Variants in FGD6 observed in about 807,000 individuals in gnomAD.
FGD6 encodes FYVE, RhoGEF and PH domain containing 6.
A neutral mutation model predicts 149.4 loss-of-function variants in FGD6; 90 were observed. That is an observed-to-expected ratio of 0.60 (90% CI 0.51 to 0.72). The LOEUF (loss-of-function observed/expected upper bound fraction) is 0.72, where lower values mean the gene tolerates loss of function less well. Among genes scored for constraint, FGD6 ranks in the 30% least tolerant of loss-of-function variants. The probability of loss-of-function intolerance (pLI) is 0.00; values close to 1 mark genes in which losing one functional copy is unlikely to be tolerated. For missense variants in FGD6, 1,437 were observed against 1,684.8 expected, an observed-to-expected ratio of 0.85 and a Z score of 2.57; for synonymous variants, 527 against 584.0, an observed-to-expected ratio of 0.90 and a Z score of 1.41.
chr12:95,217,424 G>T lies in FGD6; in HGVS notation c.-184C>A. On this transcript the variant is annotated 5_prime_UTR_variant, in exon 1 of 21. Coordinates refer to ENST00000343958, the MANE Select transcript of FGD6 (RefSeq NM_018351.4). ...CGGCCGACTCTAGCGACCCTGCGGC[G>T]CTCCCGGGCGCGAGCCGCCGGGGTC... The T allele has an allele frequency of 1.0e-6, 1 of 984,286 alleles. No homozygotes were observed. The allele number at this position is 984,286 out of a possible 1,614,324, so 61.0% of individuals were successfully genotyped here. A position where few individuals can be genotyped will look rare whatever the true frequency, so the allele number is the denominator to read the frequency against.
intron 8 of FGD6, among the ~76,000 whole-genome samples, chr12:95,128,678 G>A (rs1001821858): frequency 6.6e-6 from 1 of 152,198 alleles, no homozygotes; most frequent in Non-Finnish European, 1.5e-5. Flanking sequence ...GGCTCAGTGG[G>A]GGCCTAAGTG....
At chr12:95,091,665 G>T in intron 17 of FGD6, 42 bp downstream of exon 17, 2 of 1,437,954 alleles carry the variant, frequency 1.4e-6, no homozygotes, top group Non-Finnish European at 1.9e-6. Flanking sequence ...AAGCATCTGG[G>T]GAATAAAGGA....
intron 5 of FGD6, among the ~76,000 whole-genome samples, chr12:95,145,537 G>A (rs1879986089): frequency 6.6e-6 from 1 of 152,070 alleles, no homozygotes; most frequent in Non-Finnish European, 1.5e-5. Context: ...TGCTCCTGAA[G>A]TTTCTTGTTA....
intron 2 of FGD6, among the ~76,000 whole-genome samples, chr12:95,204,816 C>A (rs958784542): frequency 1.3e-5 from 2 of 152,128 alleles, no homozygotes; most frequent in Admixed American, 6.5e-5. Context: ...ATATAACCTG[C>A]GGACTAAACT....
intron 20 of FGD6, among the ~76,000 whole-genome samples, chr12:95,084,020 C>T (rs909535379): frequency 1.3e-5 from 2 of 152,242 alleles, no homozygotes; most frequent in Non-Finnish European, 2.9e-5. Context: ...TCTACTCAGT[C>T]ACTGGAACAG....
intron 14 of FGD6, among the ~76,000 whole-genome samples, chr12:95,095,364 G>A (rs1288751467): frequency 6.9e-6 from 1 of 144,684 alleles, no homozygotes; most frequent in East Asian, 2.0e-4. Flanking sequence ...AACTTGGTCA[G>A]ACAAGGGTAT....
chr12:95,094,465 A>T, intron 15 of FGD6, 127 bp downstream of exon 15: 1 of 634,856 alleles, frequency 1.6e-6, no homozygotes, highest in Non-Finnish European at 2.7e-6. Flanking sequence ...TAATCTGTAG[A>T]GTAACTCTCT....
At chr12:95,160,864 CA>C (rs1880618303) in intron 3 of FGD6, among the ~76,000 whole-genome samples, 1 of 149,916 alleles carries the variant, frequency 6.7e-6, no homozygotes, top group South Asian at 2.1e-4. Flanking sequence ...AACTCTGTCT[CA>C]AAAAAACAAA....
chr12:95,168,637 T>C (rs955482373), intron 3 of FGD6, among the ~76,000 whole-genome samples: 4 of 151,762 alleles, frequency 2.6e-5, no homozygotes, highest in Admixed American at 2.6e-4. Flanking sequence ...CACTCCAGCC[T>C]GGGAGACAAG....
intron 14 of FGD6, chr12:95,100,560 TGGC>T: frequency 3.2e-6 from 1 of 311,276 alleles, no homozygotes; most frequent in South Asian, 2.1e-5. Context: ...ATCGCACTGT[TGGC>T]TGTATCTGTT....
At position 95,209,067 on chromosome 12, in the gene FGD6, A is replaced by T. The variant is rs772465438; in HGVS notation, c.2217T>A (p.Ser739=). ...ACTCCGGTGCACAGAGGCTTGTAACAGACTTGTAAGGTGCCTGAGATGATG... is the reference window on the plus strand; with the variant it reads ...ACTCCGGTGCACAGAGGCTTGTAACTGACTTGTAAGGTGCCTGAGATGATG... ...RESSSQAPYK[S]VTSLCAPEYE... Residue 739 remains serine (S), a synonymous_variant, in exon 2 of 21, where the codon TCT becomes TCA. Coordinates refer to ENST00000343958, the MANE Select transcript of FGD6 (RefSeq NM_018351.4). 1 of 1,614,150 alleles carries T rather than the reference A, an allele frequency of 6.2e-7. No individual in the cohort carries two copies. The highest frequency in any genetic ancestry group is 1.3e-5 in the African/African-American group (1 of 75,034).
At position 95,204,946 on chromosome 12, in the gene FGD6, T is replaced by G. The variant is rs373048579; in HGVS notation, c.2441+3897A>C. On this transcript the variant is annotated intron_variant, in intron 2 of 20. Coordinates refer to ENST00000343958, the MANE Select transcript of FGD6 (RefSeq NM_018351.4). Reference sequence around the variant, plus strand: ...TTGGGGACTGCCTACAACTACTTTCTGATAAATTGTAAACATGTTGTTATA... The same window carrying G: ...TTGGGGACTGCCTACAACTACTTTCGGATAAATTGTAAACATGTTGTTATA... Among the ~76,000 whole-genome samples the G allele has an allele frequency of 1.3e-4, 20 of 152,358 alleles. No individual in the cohort carries two copies. The East Asian group carries it at 1.3e-3, about 10-fold the overall frequency.
intron 3 of FGD6, among the ~76,000 whole-genome samples, chr12:95,155,948 T>TC (rs1880454419): frequency 6.6e-6 from 1 of 152,218 alleles, no homozygotes; most frequent in East Asian, 1.9e-4. Context: ...TGAACATAAA[T>TC]TGTGAAGATT....
intron 2 of FGD6, among the ~76,000 whole-genome samples, chr12:95,208,430 G>A (rs1592878318): frequency 1.3e-5 from 2 of 151,922 alleles, no homozygotes; most frequent in African/African-American, 4.8e-5. Context: ...CCTGATAAGC[G>A]CACCACACGT....
At position 95,134,729 on chromosome 12, in the gene FGD6, A is replaced by G; in HGVS notation, c.3082+10T>C. On this transcript the variant is annotated intron_variant, in intron 8 of 20. Transcript: ENST00000343958. The stretch of plus-strand genomic sequence containing the variant: ...AACTGGGTGGTTGGCAAAATGCTGG[A>G]GAAGCCCACCTGTCAGCAACAGCCT... 6.2e-7 allele frequency: 1 copy of G among 1,612,806 alleles called. No homozygotes were observed. Among genetic ancestry groups the G allele is most frequent in the Non-Finnish European group, 8.5e-7 (1 of 1,179,552 alleles).
intron 20 of FGD6, 26 bp downstream of exon 20, chr12:95,084,472 A>G: frequency 6.7e-7 from 1 of 1,495,576 alleles, no homozygotes; most frequent in Non-Finnish European, 8.9e-7. Context: ...TCATGAATAA[A>G]AGAAAAATAT....
chr12:95,159,584 A>G (rs1231134581), intron 3 of FGD6, among the ~76,000 whole-genome samples: 2 of 152,184 alleles, frequency 1.3e-5, no homozygotes, highest in Non-Finnish European at 2.9e-5. Context: ...CATGCCTGCA[A>G]TCTCATATTT....
At chr12:95,089,516 G>A in intron 18 of FGD6, 53 bp downstream of exon 18, 1 of 1,583,500 alleles carries the variant, frequency 6.3e-7, no homozygotes, top group Non-Finnish European at 8.6e-7. Flanking sequence ...TGTATTATAT[G>A]CATATGAATA....
intron 9 of FGD6, among the ~76,000 whole-genome samples, chr12:95,110,158 AG>A (rs1311264530): frequency 4.6e-5 from 7 of 151,762 alleles, no homozygotes; most frequent in African/African-American, 1.7e-4. Context: ...TTGTATTTTT[AG>A]TAGAGACGGG....
Sources: allele counts gnomAD v4.1 joint callset (sites outside exome capture counted in the v4.1 genomes callset), GRCh38; gene constraint gnomAD v4.1.1; transcripts MANE v1.5; gene names NCBI Gene and HGNC (gene_info 2026-07-23, HGNC 2026-07-21).